Variants in MBD5 observed in about 807,000 individuals in gnomAD.
MBD5 encodes the protein methyl-CpG binding domain protein 5, also known as methyl-CpG-binding domain protein 5.
A neutral mutation model predicts 117.3 loss-of-function variants in MBD5; 13 were observed. The ratio of observed to expected loss-of-function variants is 0.11; its 90% CI spans 0.07 to 0.18. The LOEUF (loss-of-function observed/expected upper bound fraction) is 0.18. Among genes scored for constraint, MBD5 ranks in the 10% least tolerant of loss-of-function variants. MBD5 has a pLI of 1.00. For missense variants in MBD5, 1,879 were observed against 2,093.8 expected, an observed-to-expected ratio of 0.90 and a Z score of 2.00; for synonymous variants, 727 against 766.4, an observed-to-expected ratio of 0.95 and a Z score of 0.85.
rs555666534 is a variant in MBD5 at position 148,363,720 on chromosome 2, T to A, written c.-557+21384T>A. ...GCATACACAAGTATCAATAGCTGAA[T>A]CAATCAAGCGGAAAAAAGGATATCA... On this transcript the variant is annotated intron_variant, in intron 4 of 13. Coordinates refer to ENST00000642680, the MANE Select transcript of MBD5 (RefSeq NM_001378120.1). 3.9e-5 allele frequency among the ~76,000 whole-genome samples: 6 copies of A among 152,072 alleles called. No individual in the cohort carries two copies. The South Asian group carries it at 1.2e-3, about 32-fold the overall frequency.
At chr2:148,364,249 T>C (rs1347367840) in intron 4 of MBD5, among the ~76,000 whole-genome samples, 2 of 152,134 alleles carry the variant, frequency 1.3e-5, no homozygotes, top group African/African-American at 4.8e-5. Flanking sequence ...AAACAAAGCT[T>C]CATAAGCGAA....
At chr2:148,175,550 C>A (rs930642800) in intron 1 of MBD5, among the ~76,000 whole-genome samples, 19 of 152,060 alleles carry the variant, frequency 1.2e-4, no homozygotes, top group African/African-American at 4.6e-4. Context: ...AAGTGGAACA[C>A]CATGGCATTC....
intron 4 of MBD5, among the ~76,000 whole-genome samples, chr2:148,394,677 A>G (rs183263031): frequency 5.5e-5 from 8 of 145,130 alleles, no homozygotes; most frequent in Admixed American, 2.7e-4. Context: ...TTGATTTGCT[A>G]TTTTTTCTTG....
chr2:148,172,129 C>G lies in MBD5; in HGVS notation c.-924-6571C>G, dbSNP rs959883083. On this transcript the variant is annotated intron_variant, in intron 1 of 13. Transcript: ENST00000642680. The stretch of plus-strand genomic sequence containing the variant: ...GTCTGGAACTGCCCCTGCAAAGAAT[C>G]CAGCTGCAGGGGGGGAGGTGCAGCC... Among the ~76,000 whole-genome samples, 8 of 152,298 alleles carry G rather than the reference C, an allele frequency of 5.3e-5. No individual in the cohort carries two copies. The South Asian group carries it at 1.2e-3, about 24-fold the overall frequency.
At chr2:148,419,221 A>T (rs1243507031) in intron 4 of MBD5, among the ~76,000 whole-genome samples, 1 of 152,188 alleles carries the variant, frequency 6.6e-6, no homozygotes, top group East Asian at 1.9e-4. Flanking sequence ...CCATATGCAA[A>T]AATGAACTGA....
At chr2:148,272,966 G>C (rs1473135036) in intron 3 of MBD5, among the ~76,000 whole-genome samples, 1 of 152,146 alleles carries the variant, frequency 6.6e-6, no homozygotes. Flanking sequence ...TGGGCTAAAA[G>C]TCATGTATTT....
intron 1 of MBD5, among the ~76,000 whole-genome samples, chr2:148,099,643 T>A (rs1696154517): frequency 6.6e-6 from 1 of 152,098 alleles, no homozygotes; most frequent in African/African-American, 2.4e-5. Context: ...TATGTAAAAT[T>A]TTCTAGAACC....
At chr2:148,144,453 T>C (rs370413739) in intron 1 of MBD5, among the ~76,000 whole-genome samples, 2 of 152,246 alleles carry the variant, frequency 1.3e-5, no homozygotes, top group African/African-American at 4.8e-5. Flanking sequence ...TTAGTTTAAT[T>C]AGATCCCATT....
intron 4 of MBD5, among the ~76,000 whole-genome samples, chr2:148,413,728 ATTTC>A (rs1209923823): frequency 2.0e-5 from 3 of 151,498 alleles, no homozygotes; most frequent in Non-Finnish European, 4.4e-5. Context: ...AAATTTATCA[ATTTC>A]TTCTAGGTTT....
chr2:148,334,095 T>C (rs562154494), intron 3 of MBD5, among the ~76,000 whole-genome samples: 1 of 152,306 alleles, frequency 6.6e-6, no homozygotes, highest in South Asian at 2.1e-4. Context: ...CTTAAATAAA[T>C]TTCTAACCAA....
At chr2:148,319,258 T>C (rs959633456) in intron 3 of MBD5, among the ~76,000 whole-genome samples, 1 of 152,178 alleles carries the variant, frequency 6.6e-6, no homozygotes, top group African/African-American at 2.4e-5. Flanking sequence ...AGACCCATAT[T>C]AATTTTAGGA....
intron 8 of MBD5, among the ~76,000 whole-genome samples, chr2:148,481,431 T>A (rs1355040010): frequency 6.6e-6 from 1 of 152,186 alleles, no homozygotes; most frequent in Non-Finnish European, 1.5e-5. Flanking sequence ...AATGTAAAGT[T>A]TTTTAGGATA....
intron 1 of MBD5, among the ~76,000 whole-genome samples, chr2:148,036,278 TGCCAATGTGTTGA>T (rs1372739876): frequency 3.9e-5 from 6 of 152,158 alleles, no homozygotes; most frequent in Non-Finnish European, 8.8e-5. Flanking sequence ...ATATTCCATG[TGCCAATGTGTTGA>T]GCCAAGCTAT....
chr2:148,124,103 AC>A (rs1217830183), intron 1 of MBD5, among the ~76,000 whole-genome samples: 2 of 152,170 alleles, frequency 1.3e-5, no homozygotes, highest in Admixed American at 1.3e-4. Context: ...ACATGGCAAA[AC>A]CCTGTCTCTA....
At chr2:148,245,378 A>G (rs540829857) in intron 3 of MBD5, among the ~76,000 whole-genome samples, 9 of 152,072 alleles carry the variant, frequency 5.9e-5, no homozygotes, top group African/African-American at 2.2e-4. Flanking sequence ...GGCGCCCACC[A>G]CCATTCCTGG....
At chr2:148,412,858 G>A (rs926041418) in intron 4 of MBD5, among the ~76,000 whole-genome samples, 1 of 151,942 alleles carries the variant, frequency 6.6e-6, no homozygotes, top group Non-Finnish European at 1.5e-5. Flanking sequence ...GGAGGTCTTG[G>A]GCAGAGACTG....
At chr2:148,052,986 A>G (rs1210391758) in intron 1 of MBD5, among the ~76,000 whole-genome samples, 2 of 147,476 alleles carry the variant, frequency 1.4e-5, no homozygotes, top group Admixed American at 1.4e-4. Context: ...AAAAAAAGAG[A>G]GAGACAATGT....
chr2:148,060,383 A>C (rs904601594), intron 1 of MBD5, among the ~76,000 whole-genome samples: 2 of 152,028 alleles, frequency 1.3e-5, no homozygotes, highest in African/African-American at 4.8e-5. Flanking sequence ...TTTTGTAAAA[A>C]AAAAAAGAAC....
chr2:148,483,537 G>A lies in MBD5; in HGVS notation c.2946G>A (p.Gln982=), dbSNP rs767259803. ...GTGACATGGATGGGCAGGTATTGCA[G>A]CCTGTTCACTTTCAGCTCTTAGCAG... ...LSSDMDGQVL[Q]PVHFQLLAAL... Residue 982 remains glutamine, a synonymous_variant, in exon 9 of 14, where the codon CAG becomes CAA. Coordinates refer to ENST00000642680, the MANE Select transcript of MBD5 (RefSeq NM_001378120.1). The A allele has an allele frequency of 1.8e-5, 29 of 1,598,226 alleles. No homozygotes were observed. The South Asian group carries it at 2.9e-4, about 16-fold the overall frequency.
Sources: gnomAD v4.1 joint callset for allele counts (sites outside exome capture counted in the v4.1 genomes callset) on GRCh38, gnomAD v4.1.1 for gene constraint, MANE v1.5 for transcripts, NCBI Gene and HGNC (gene_info 2026-07-23, HGNC 2026-07-21) for gene names.